SETD4: variants seen among roughly 807,000 people sequenced by gnomAD.
SETD4 encodes the protein SET domain containing 4.
A neutral mutation model predicts 58.3 loss-of-function variants in SETD4; 46 were observed. The observed-to-expected ratio is 0.79, with a 90% confidence interval of 0.62 to 1.01. The LOEUF (loss-of-function observed/expected upper bound fraction) is 1.01. Among genes scored for constraint, SETD4 ranks in the 50% least tolerant of loss-of-function variants. The pLI is 0.00. For missense variants in SETD4, 490 were observed against 523.3 expected, an observed-to-expected ratio of 0.94 and a Z score of 0.62; for synonymous variants, 190 against 202.6, an observed-to-expected ratio of 0.94 and a Z score of 0.53.
chr21:36,041,895 T>TC lies in SETD4; in HGVS notation c.902-8dup. ...AGATATTTAACAAGTATTTCTATAT[T>TC]CAAAAAAAAAAATCAGACTGTTAGG... On this transcript the variant is annotated splice_region_variant and splice_polypyrimidine_tract_variant and intron_variant, in intron 7 of 11. Coordinates refer to ENST00000332131, the MANE Select transcript of SETD4 (RefSeq NM_017438.5). The TC allele has an allele frequency of 8.6e-7, 1 of 1,160,124 alleles. No homozygotes were observed. 71.9% of individuals were successfully genotyped at this position (1,160,124 alleles called of 1,614,324 possible).
At chr21:36,049,605 G>A (rs1030480150) in intron 4 of SETD4, among the ~76,000 whole-genome samples, 4 of 152,098 alleles carry the variant, frequency 2.6e-5, no homozygotes, top group Non-Finnish European at 5.9e-5. Flanking sequence ...ATCAATTTCT[G>A]GTTTCCTCAT....
intron 1 of SETD4, chr21:36,059,798 G>A: frequency 1.0e-6 from 1 of 985,434 alleles, no homozygotes; most frequent in Non-Finnish European, 1.2e-6. Context: ...CCGCACTTCC[G>A]CAGTATAAGG....
intron 7 of SETD4, chr21:36,043,401 C>A: frequency 1.1e-6 from 1 of 908,198 alleles, no homozygotes; most frequent in Non-Finnish European, 1.3e-6. Context: ...AGTGTCTTAC[C>A]CACAGTAGGT....
At chr21:36,043,260 CA>C in intron 7 of SETD4, 1 of 190,076 alleles carries the variant, frequency 5.3e-6, no homozygotes, top group Non-Finnish European at 9.8e-6. Flanking sequence ...GACTCTGACT[CA>C]AAAATAATAA....
chr21:36,057,904 G>T (rs1237273237), intron 2 of SETD4, among the ~76,000 whole-genome samples: 1 of 152,154 alleles, frequency 6.6e-6, no homozygotes, highest in Non-Finnish European at 1.5e-5. Context: ...AAAAAAAAGT[G>T]AGCTTATCGA....
chr21:36,038,098 G>C, intron 10 of SETD4, 52 bp downstream of exon 10: 2 of 1,577,156 alleles, frequency 1.3e-6, no homozygotes, highest in African/African-American at 1.4e-5. Flanking sequence ...ACAAAACAAG[G>C]AACTGCTGAA....
At chr21:36,057,049 C>T (rs116929880) in intron 3 of SETD4, 60 bp downstream of exon 3, 3 of 1,341,004 alleles carry the variant, frequency 2.2e-6, no homozygotes, top group Non-Finnish European at 3.2e-6. Flanking sequence ...AAGAGTGGCC[C>T]CTGCTGTCTA....
At chr21:36,050,675 C>T (rs565267741) in intron 4 of SETD4, 5 of 1,600,442 alleles carry the variant, frequency 3.1e-6, no homozygotes, top group South Asian at 2.2e-5. Context: ...TACCGGAGTT[C>T]CCAATGGTAG....
At chr21:36,051,795 T>G (rs2064707852) in intron 4 of SETD4, among the ~76,000 whole-genome samples, 1 of 152,248 alleles carries the variant, frequency 6.6e-6, no homozygotes, top group Non-Finnish European at 1.5e-5. Context: ...GGAAAACATC[T>G]GCTTAAATTA....
At chr21:36,044,083 C>G in intron 6 of SETD4, 127 bp from the exon 7 acceptor site, 1 of 1,154,306 alleles carries the variant, frequency 8.7e-7, no homozygotes, top group Non-Finnish European at 1.2e-6. Flanking sequence ...AATGTAACTA[C>G]GCATAGGGAA....
chr21:36,049,986 C>A (rs2064559507), intron 4 of SETD4, among the ~76,000 whole-genome samples: 2 of 152,136 alleles, frequency 1.3e-5, no homozygotes, highest in Non-Finnish European at 2.9e-5. Flanking sequence ...TACTACTGAA[C>A]TTCAAAATGG....
chr21:36,040,599 A>G lies in SETD4; in HGVS notation c.1040T>C (p.Leu347Ser), dbSNP rs753145715. 4.3e-6 allele frequency: 7 copies of G among 1,613,896 alleles called. No homozygotes were observed. Among genetic ancestry groups the G allele is most frequent in the Non-Finnish European group, 5.9e-6 (7 of 1,179,820 alleles). The change falls in exon 9 of 12, where the codon TTG (leucine) becomes TCG (serine). Residue 347 changes from leucine (L) to serine (S), a missense_variant. By Grantham distance (145) the Leu-to-Ser change is moderately radical (BLOSUM62 -2). Transcript: ENST00000332131. ...CAATTTCTCAGCTTCCAGACATAAC[A>G]ACTTAAGGGCTGTGAGTAGCCTCCA... The part of the protein sequence containing the change: ...PSWRLLTALK[L>S]LCLEAEKFTC...
Position 36,038,284 on chromosome 21 carries a change from A to G in SETD4, c.1065-11T>C. 1 of 1,605,922 alleles carries G rather than the reference A, an allele frequency of 6.2e-7. No homozygotes were observed. Among genetic ancestry groups the G allele is most frequent in the Non-Finnish European group, 8.5e-7 (1 of 1,178,058 alleles). On this transcript the variant is annotated splice_polypyrimidine_tract_variant and intron_variant, in intron 9 of 11. Coordinates refer to ENST00000332131, the MANE Select transcript of SETD4 (RefSeq NM_017438.5). Reference sequence around the variant, plus strand: ...TTTTTCCAGCATGTACTAGAACCAAAATGTTCCATGACACAATTTTAGCAG... The same window carrying G: ...TTTTTCCAGCATGTACTAGAACCAAGATGTTCCATGACACAATTTTAGCAG...
chr21:36,045,497 G>T (rs2064275101), intron 6 of SETD4, 85 bp downstream of exon 6: 2 of 1,500,742 alleles, frequency 1.3e-6, no homozygotes, highest in Non-Finnish European at 1.8e-6. Flanking sequence ...TCCCTGTGGT[G>T]CCACCCACAT....
At position 36,034,978 on chromosome 21, in the gene SETD4, T is replaced by A. The variant is rs902835226; in HGVS notation, c.*1015A>T. 2.6e-5 allele frequency: 4 copies of A among 152,262 alleles called. No homozygotes were observed. Among genetic ancestry groups the A allele is most frequent in the African/African-American group, 9.6e-5 (4 of 41,472 alleles). 9.4% of individuals were successfully genotyped at this position (152,262 alleles called of 1,614,324 possible). On this transcript the variant is annotated 3_prime_UTR_variant, in exon 12 of 12. Coordinates refer to ENST00000332131, the MANE Select transcript of SETD4 (RefSeq NM_017438.5). ...CATGAGAAAGTTTTATTTTAAACTC[T>A]GCCTGCCTCCTGAGGCCAGCAGGTC... is the stretch of plus-strand genomic sequence containing the variant.
intron 4 of SETD4, chr21:36,051,069 A>C: frequency 7.0e-7 from 1 of 1,435,454 alleles, no homozygotes; most frequent in Non-Finnish European, 9.8e-7. Flanking sequence ...TGTAGGTTTC[A>C]TCGTCTTTCA....
intron 5 of SETD4, among the ~76,000 whole-genome samples, chr21:36,046,819 T>C (rs1178654148): frequency 6.6e-6 from 1 of 152,234 alleles, no homozygotes; most frequent in Non-Finnish European, 1.5e-5. Context: ...TATACTGCCA[T>C]ACATTCTACT....
intron 5 of SETD4, among the ~76,000 whole-genome samples, 196 bp downstream of exon 5, chr21:36,048,112 G>T (rs1462335789): frequency 6.6e-6 from 1 of 151,118 alleles, no homozygotes; most frequent in Non-Finnish European, 1.5e-5. Context: ...AGGAAGGCAG[G>T]CAGGCAGGCA....
At chr21:36,058,147 T>G (rs190300482) in intron 2 of SETD4, among the ~76,000 whole-genome samples, 365 of 152,312 alleles carry the variant, frequency 2.4e-3, no homozygotes, top group African/African-American at 8.1e-3. Context: ...TATCTTCACA[T>G]TCCCACCAGG....
Sources: allele counts gnomAD v4.1 joint callset (sites outside exome capture counted in the v4.1 genomes callset), GRCh38; gene constraint gnomAD v4.1.1; transcripts MANE v1.5; gene names NCBI Gene and HGNC (gene_info 2026-07-23, HGNC 2026-07-21).